The following ACTR3B variants were observed in gnomAD, a reference collection of about 807,000 sequenced individuals.
ACTR3B encodes actin-related protein 3B.
ACTR3B carries 8 observed loss-of-function variants against 59.0 expected under a neutral mutation model. The ratio of observed to expected loss-of-function variants is 0.14; its 90% CI spans 0.08 to 0.24. The LOEUF is 0.24. ACTR3B is among the 10% of genes least tolerant of loss of function. The probability of loss-of-function intolerance (pLI) is 1.00; values close to 1 mark genes in which losing one functional copy is unlikely to be tolerated. For missense variants in ACTR3B, 245 were observed against 552.3 expected (o/e 0.44, Z 5.58); for synonymous variants, 148 against 197.9 (o/e 0.75, Z 2.12).
chr7:152,792,093 T>C (rs2098198527), intron 2 of ACTR3B, among the ~76,000 whole-genome samples: 1 of 152,124 alleles, frequency 6.6e-6, no homozygotes, highest in Admixed American at 6.5e-5. Context: ...GTTTTCACCA[T>C]GTTGGCCAGG....
intron 1 of ACTR3B, among the ~76,000 whole-genome samples, chr7:152,764,675 G>A (rs1376708868): frequency 2.0e-5 from 3 of 151,900 alleles, no homozygotes; most frequent in Non-Finnish European, 1.5e-5. Context: ...ATAAAGCAAG[G>A]ATATCTTTTT....
chr7:152,829,575 C>T (rs1796859894), intron 9 of ACTR3B, among the ~76,000 whole-genome samples: 1 of 152,136 alleles, frequency 6.6e-6, no homozygotes, highest in Admixed American at 6.5e-5. Flanking sequence ...TGCGGGGAAG[C>T]CTCCGTGTGA....
rs372182925 is a variant in ACTR3B at position 152,766,095 on chromosome 7, C to T, written c.44+6169C>T. On this transcript the variant is annotated intron_variant, in intron 1 of 11. Transcript: ENST00000256001. ...TGTATTAAGGTCTGTTCAGGGGTTCCGCAGACCACTCCCAGTTCCAGTGAC... is the reference window on the plus strand; with the variant it reads ...TGTATTAAGGTCTGTTCAGGGGTTCTGCAGACCACTCCCAGTTCCAGTGAC... Among the ~76,000 whole-genome samples the T allele has an allele frequency of 3.5e-3, 530 of 152,032 alleles. 3 individuals are homozygous for T. The highest frequency in any genetic ancestry group is 6.8e-3 in the Middle Eastern group (2 of 294).
At chr7:152,762,650 G>A (rs1020867401) in intron 1 of ACTR3B, among the ~76,000 whole-genome samples, 1 of 152,156 alleles carries the variant, frequency 6.6e-6, no homozygotes, top group Non-Finnish European at 1.5e-5. Flanking sequence ...CCTATATACA[G>A]TATGGATTCA....
At chr7:152,821,578 G>T (rs866947893) in intron 7 of ACTR3B, among the ~76,000 whole-genome samples, 3 of 152,124 alleles carry the variant, frequency 2.0e-5, no homozygotes, top group African/African-American at 7.2e-5. Flanking sequence ...ACACTGCCAC[G>T]GAGGGGCTTT....
intron 9 of ACTR3B, among the ~76,000 whole-genome samples, chr7:152,847,060 T>C (rs1390750861): frequency 1.4e-5 from 2 of 145,618 alleles, no homozygotes; most frequent in African/African-American, 5.2e-5. Flanking sequence ...CGGGCTGTAG[T>C]CTGCAGTGAG....
rs565767084 is a variant in ACTR3B at position 152,816,458 on chromosome 7, C to T, written c.433-23C>T. ...TTTAGAAAGAGTTCCTATGTGCGAG[C>T]GGTTTTCATGTCTTTTCTCCAGGCA... is the stretch of plus-strand genomic sequence containing the variant. On this transcript the variant is annotated intron_variant, in intron 5 of 11. Transcript: ENST00000256001. The T allele has an allele frequency of 1.6e-4, 240 of 1,533,482 alleles. No individual in the cohort carries two copies. The African/African-American group carries it at 2.5e-3, about 16-fold the overall frequency. 95.0% of individuals were successfully genotyped at this position (1,533,482 alleles called of 1,614,324 possible).
chr7:152,797,995 A>C (rs1054293376), intron 2 of ACTR3B, among the ~76,000 whole-genome samples: 1 of 152,132 alleles, frequency 6.6e-6, no homozygotes, highest in African/African-American at 2.4e-5. Flanking sequence ...TACAGTAAAC[A>C]TGGGAGTGCA....
chr7:152,771,655 A>C lies in ACTR3B; in HGVS notation c.45-11532A>C, dbSNP rs570570371. Among the ~76,000 whole-genome samples the C allele has an allele frequency of 1.3e-3, 197 of 152,362 alleles. 1 individual carries two copies. In the Middle Eastern group the frequency reaches 0.017, roughly 13 times the overall value. On this transcript the variant is annotated intron_variant, in intron 1 of 11. Transcript: ENST00000256001. ...AGTGTGTGGAACAGATGTAACATTA[A>C]TAAATAAAAGACAAAGTTTTCCTGG...
At chr7:152,781,882 C>T (rs1225215166) in intron 1 of ACTR3B, among the ~76,000 whole-genome samples, 1 of 152,014 alleles carries the variant, frequency 6.6e-6, no homozygotes, top group African/African-American at 2.4e-5. Flanking sequence ...AGTTGTGGAG[C>T]TGGAGAGGGC....
At chr7:152,774,550 A>G (rs1283572933) in intron 1 of ACTR3B, among the ~76,000 whole-genome samples, 1 of 152,196 alleles carries the variant, frequency 6.6e-6, no homozygotes, top group African/African-American at 2.4e-5. Flanking sequence ...CATCATTTAA[A>G]CAGTTAAAAC....
chr7:152,853,413 C>A, intron 10 of ACTR3B, 81 bp from the exon 11 acceptor site: 2 of 1,324,546 alleles, frequency 1.5e-6, no homozygotes, highest in Non-Finnish European at 2.1e-6. Context: ...CTGGGTGCAG[C>A]TGTGGTCTCG....
At chr7:152,849,708 G>A (rs1198634935) in intron 9 of ACTR3B, among the ~76,000 whole-genome samples, 1 of 152,258 alleles carries the variant, frequency 6.6e-6, no homozygotes, top group Non-Finnish European at 1.5e-5. Flanking sequence ...GGTTGGACAT[G>A]GCTTCTTTAG....
chr7:152,805,092 G>A, intron 4 of ACTR3B, among the ~76,000 whole-genome samples: 1 of 151,446 alleles, frequency 6.6e-6, no homozygotes, highest in East Asian at 1.9e-4. Flanking sequence ...TGTGTTTTTG[G>A]AGCATGTACA....
chr7:152,822,508 G>C (rs574917655), intron 7 of ACTR3B, among the ~76,000 whole-genome samples: 5 of 152,156 alleles, frequency 3.3e-5, no homozygotes, highest in Admixed American at 1.3e-4. Flanking sequence ...GACTTCTCTC[G>C]CAGCAGCAGC....
intron 9 of ACTR3B, among the ~76,000 whole-genome samples, chr7:152,827,823 G>A (rs10232939): frequency 1.8e-3 from 268 of 152,226 alleles, no homozygotes; most frequent in African/African-American, 5.9e-3. Flanking sequence ...TGATGACTAA[G>A]TTGAAGTTTA....
chr7:152,762,978 C>A (rs1194391535), intron 1 of ACTR3B, among the ~76,000 whole-genome samples: 1 of 152,120 alleles, frequency 6.6e-6, no homozygotes, highest in African/African-American at 2.4e-5. Flanking sequence ...GGGTGATGTC[C>A]ACGAGGTTTC....
At chr7:152,820,886 CCTTT>C (rs1796091554) in intron 7 of ACTR3B, among the ~76,000 whole-genome samples, 1 of 152,252 alleles carries the variant, frequency 6.6e-6, no homozygotes, top group African/African-American at 2.4e-5. Context: ...GCATCTTCTT[CCTTT>C]ATGGCACAGT....
Position 152,824,171 on chromosome 7 carries a change from G to A in ACTR3B, c.858+656G>A, listed in dbSNP as rs1185851831. On this transcript the variant is annotated intron_variant, in intron 8 of 11. Transcript: ENST00000256001. This position sits in a 1 kb window ranked among gnomAD's most constrained non-coding sequence, Gnocchi z 4.2. ...TCCTGGCTAATTCAGTTTATATTCA[G>A]TAGGTGGGTTACAAACTGCTGTTTG... Among the ~76,000 whole-genome samples the A allele has an allele frequency of 2.0e-5, 3 of 152,220 alleles. No homozygotes were observed. Among genetic ancestry groups the A allele is most frequent in the Non-Finnish European group, 4.4e-5 (3 of 68,044 alleles).
Sources: allele counts gnomAD v4.1 joint callset (sites outside exome capture counted in the v4.1 genomes callset), GRCh38; gene constraint gnomAD v4.1.1; non-coding constraint Gnocchi (gnomAD v3.1); transcripts MANE v1.5; gene names NCBI Gene and HGNC (gene_info 2026-07-23, HGNC 2026-07-21).